SPIDR: variants seen among roughly 807,000 people sequenced by gnomAD.
SPIDR encodes the protein scaffold protein involved in DNA repair, also known as DNA repair-scaffolding protein.
A neutral mutation model predicts 104.6 loss-of-function variants in SPIDR; 93 were observed. That is an observed-to-expected ratio of 0.89 (90% CI 0.75 to 1.06). The LOEUF is 1.06. Ranked by LOEUF, SPIDR falls within the 50% of genes least tolerant of loss-of-function variation. The pLI, the probability that SPIDR is intolerant of heterozygous loss-of-function variation, is 0.00. For missense variants in SPIDR, 1,154 were observed against 1,111.2 expected (o/e 1.04, Z -0.55); for synonymous variants, 431 against 416.9 (o/e 1.03, Z -0.41).
chr8:47,671,523 T>G (rs1226188413), intron 10 of SPIDR, among the ~76,000 whole-genome samples: 1 of 151,500 alleles, frequency 6.6e-6, no homozygotes, highest in East Asian at 1.9e-4. Flanking sequence ...AGATGGAGGT[T>G]GCGGTGAGCT....
intron 5 of SPIDR, among the ~76,000 whole-genome samples, chr8:47,325,778 C>T (rs2047551777): frequency 6.6e-6 from 1 of 152,118 alleles, no homozygotes; most frequent in Admixed American, 6.6e-5. Context: ...GCCTGATGTC[C>T]TGAGGTGGGA....
chr8:47,458,700 A>T (rs1389180929), intron 8 of SPIDR, among the ~76,000 whole-genome samples: 1 of 152,052 alleles, frequency 6.6e-6, no homozygotes, highest in Non-Finnish European at 1.5e-5. Flanking sequence ...GAAAGTGGAC[A>T]TCCTTGTCGT....
chr8:47,445,427 C>G (rs902640903), intron 8 of SPIDR, among the ~76,000 whole-genome samples: 1 of 152,180 alleles, frequency 6.6e-6, no homozygotes, highest in Non-Finnish European at 1.5e-5. Flanking sequence ...GCTCCATTGA[C>G]CGGATGTTCC....
intron 7 of SPIDR, among the ~76,000 whole-genome samples, chr8:47,440,114 A>G (rs1400881205): frequency 6.6e-6 from 1 of 152,220 alleles, no homozygotes; most frequent in Non-Finnish European, 1.5e-5. Flanking sequence ...CCATGTATTA[A>G]ATGCAACATG....
At chr8:47,486,471 A>G (rs956155938) in intron 8 of SPIDR, among the ~76,000 whole-genome samples, 3 of 152,212 alleles carry the variant, frequency 2.0e-5, no homozygotes, top group African/African-American at 7.2e-5. Context: ...AGTGAGGCAG[A>G]CCAACATTCA....
In SPIDR at chr8:47,701,743, C is replaced by T; in HGVS notation, c.1796C>T (p.Pro599Leu). Residue 599 changes from proline (P) to leucine (L), a missense_variant, in exon 13 of 20, where the codon CCA (proline) becomes CTA (leucine). Physicochemically the swap from Pro to Leu is moderately conservative, Grantham distance 98 (BLOSUM62 -3). Coordinates refer to ENST00000297423, the MANE Select transcript of SPIDR (RefSeq NM_001080394.4). ...CAGATAAAAACTCATCTGCCTCCTC[C>T]AGCCTTGTGTTACATCCTCACAGCT... is the stretch of plus-strand genomic sequence containing the variant. ...CEEIKTHLPPPALCYILTAHP... is the reference protein window; with the variant it reads ...CEEIKTHLPPLALCYILTAHP... 6.2e-7 allele frequency: 1 copy of T among 1,614,108 alleles called. No individual in the cohort carries two copies. Among genetic ancestry groups the T allele is most frequent in the South Asian group, 1.1e-5 (1 of 91,070 alleles).
chr8:47,660,124 A>C lies in SPIDR; in HGVS notation c.1545-13677A>C, dbSNP rs1486642751. On this transcript the variant is annotated intron_variant, in intron 10 of 19. Coordinates refer to ENST00000297423, the MANE Select transcript of SPIDR (RefSeq NM_001080394.4). ...TAAAACTTTTTTAAAAGAGAAATTA[A>C]ATTGTACTCCCACAACTTCCCCTAC... is the stretch of plus-strand genomic sequence containing the variant. Among the ~76,000 whole-genome samples, 3 of 152,130 alleles carry C rather than the reference A, an allele frequency of 2.0e-5. No individual in the cohort carries two copies. In the East Asian group the frequency reaches 5.8e-4, roughly 29 times the overall value.
At chr8:47,366,300 A>G (rs2154292413) in intron 5 of SPIDR, among the ~76,000 whole-genome samples, 1 of 152,110 alleles carries the variant, frequency 6.6e-6, no homozygotes, top group East Asian at 1.9e-4. Context: ...GGTCCAGGGG[A>G]CACTGTTAGC....
At chr8:47,587,214 G>T (rs2060343099) in intron 8 of SPIDR, among the ~76,000 whole-genome samples, 1 of 151,966 alleles carries the variant, frequency 6.6e-6, no homozygotes, top group Non-Finnish European at 1.5e-5. Context: ...CATCAATTTT[G>T]AGTTAAATGG....
chr8:47,582,547 C>G (rs1160668537), intron 8 of SPIDR, among the ~76,000 whole-genome samples: 1 of 152,160 alleles, frequency 6.6e-6, no homozygotes, highest in South Asian at 2.1e-4. Flanking sequence ...AAATTGTTCC[C>G]TGTTTAATTG....
chr8:47,349,796 C>T (rs1273187369), intron 5 of SPIDR, among the ~76,000 whole-genome samples: 1 of 152,234 alleles, frequency 6.6e-6, no homozygotes, highest in African/African-American at 2.4e-5. Context: ...ATGTAATGTC[C>T]TGGTGTGCTG....
intron 5 of SPIDR, among the ~76,000 whole-genome samples, chr8:47,344,989 G>C (rs1554616693): frequency 6.6e-6 from 1 of 152,098 alleles, no homozygotes; most frequent in African/African-American, 2.4e-5. Context: ...TGTCAATTTT[G>C]GCTTTTGTTG....
At chr8:47,322,256 C>T (rs558706835) in intron 5 of SPIDR, among the ~76,000 whole-genome samples, 24 of 152,228 alleles carry the variant, frequency 1.6e-4, no homozygotes, top group Admixed American at 3.3e-4. Flanking sequence ...AAGAAAAAAA[C>T]GCCATCAGAA....
At chr8:47,473,372 C>G (rs2075941761) in intron 8 of SPIDR, among the ~76,000 whole-genome samples, 3 of 152,098 alleles carry the variant, frequency 2.0e-5, no homozygotes, top group Non-Finnish European at 2.9e-5. Flanking sequence ...ATAGAGATGG[C>G]CTTTGACTTG....
intron 8 of SPIDR, among the ~76,000 whole-genome samples, chr8:47,589,044 G>A (rs1363451283): frequency 2.6e-5 from 1 of 38,510 alleles, no homozygotes; most frequent in Non-Finnish European, 5.8e-5. Flanking sequence ...TTTTTTTTTT[G>A]TACTGTCTTT....
chr8:47,302,702 G>C (rs2042337135), intron 5 of SPIDR, among the ~76,000 whole-genome samples: 2 of 152,314 alleles, frequency 1.3e-5, no homozygotes, highest in Admixed American at 1.3e-4. Context: ...GAGTTTGGTG[G>C]AGGTCCACTC....
At chr8:47,566,331 T>G (rs2057844199) in intron 8 of SPIDR, among the ~76,000 whole-genome samples, 1 of 151,880 alleles carries the variant, frequency 6.6e-6, no homozygotes, top group Non-Finnish European at 1.5e-5. Flanking sequence ...AACTTGAAAT[T>G]TTTTCCCTCC....
chr8:47,287,474 A>C (rs1204203050), intron 3 of SPIDR, among the ~76,000 whole-genome samples: 1 of 152,132 alleles, frequency 6.6e-6, no homozygotes, highest in Admixed American at 6.5e-5. Flanking sequence ...GTACTGCAGG[A>C]GACCAGGGTG....
At chr8:47,271,760 A>T (rs1800637514) in intron 1 of SPIDR, among the ~76,000 whole-genome samples, 1 of 151,840 alleles carries the variant, frequency 6.6e-6, no homozygotes. Context: ...TTTCCTTATC[A>T]TGCTTTCCTG....
Sources: gnomAD v4.1 joint callset for allele counts (sites outside exome capture counted in the v4.1 genomes callset) on GRCh38, gnomAD v4.1.1 for gene constraint, MANE v1.5 for transcripts, NCBI Gene and HGNC (gene_info 2026-07-23, HGNC 2026-07-21) for gene names.